The following EVL variants were observed in gnomAD, a reference collection of about 807,000 sequenced individuals.
EVL encodes ena/VASP-like protein.
EVL carries 21 observed loss-of-function variants against 59.6 expected under a neutral mutation model. The ratio of observed to expected loss-of-function variants is 0.35; its 90% CI spans 0.25 to 0.51. The LOEUF is 0.51. EVL is among the 20% of genes least tolerant of loss of function. The probability of loss-of-function intolerance (pLI) is 0.97; values close to 1 mark genes in which losing one functional copy is unlikely to be tolerated. For synonymous variants in EVL, 198 were observed against 203.5 expected (o/e 0.97, Z 0.23); for missense variants, 462 against 546.6 (o/e 0.85, Z 1.54).
At chr14:100,119,376 C>G (rs1460523720) in intron 3 of EVL, among the ~76,000 whole-genome samples, 2 of 152,210 alleles carry the variant, frequency 1.3e-5, no homozygotes, top group African/African-American at 4.8e-5. Flanking sequence ...CCAGACTCAA[C>G]AAGCTTGGGA....
chr14:100,119,254 C>T (rs1887543827), intron 3 of EVL, among the ~76,000 whole-genome samples: 1 of 152,188 alleles, frequency 6.6e-6, no homozygotes, highest in Non-Finnish European at 1.5e-5. Context: ...ATCTCATCCT[C>T]TTTATTTTGA....
chr14:100,064,563 A>C (rs578051055), upstream of EVL, among the ~76,000 whole-genome samples: 1 of 152,242 alleles, frequency 6.6e-6, no homozygotes, highest in Non-Finnish European at 1.5e-5. Context: ...TCATCATTAG[A>C]GAGAGTTGTC....
chr14:100,143,744 C>A lies in EVL; in HGVS notation c.*6C>A. 2 of 1,612,170 alleles carry A rather than the reference C, an allele frequency of 1.2e-6. No homozygotes were observed. The highest frequency in any genetic ancestry group is 1.7e-6 in the Non-Finnish European group (2 of 1,179,740). On this transcript the variant is annotated 3_prime_UTR_variant, in exon 14 of 14. Transcript: ENST00000392920. Reference sequence around the variant, plus strand: ...GTGGGATCAGCACCACGTAAGGGGCCGGCCTCGCTGCGCTGATTCGTCGAG... The same window carrying A: ...GTGGGATCAGCACCACGTAAGGGGCAGGCCTCGCTGCGCTGATTCGTCGAG...
rs192279111 is a variant in EVL at position 99,993,794 on chromosome 14, C to T, written c.5+21737C>T. Reference sequence around the variant, plus strand: ...TGCAGCCTCTGCTTCTGGGTTCAAGCGATTCTTCTGCCTCAGCCTCCCAAG... The same window carrying T: ...TGCAGCCTCTGCTTCTGGGTTCAAGTGATTCTTCTGCCTCAGCCTCCCAAG... On this transcript the variant is annotated intron_variant, in intron 1 of 13. Coordinates refer to the EVL transcript ENST00000402714. Among the ~76,000 whole-genome samples, 354 of 146,324 alleles carry T rather than the reference C, an allele frequency of 2.4e-3. 4 individuals are homozygous for T. The highest frequency in any genetic ancestry group is 0.023 in the Admixed American group (327 of 14,356).
At chr14:99,982,051 A>G (rs1397888556) in intron 1 of EVL, among the ~76,000 whole-genome samples, 1 of 152,188 alleles carries the variant, frequency 6.6e-6, no homozygotes, top group African/African-American at 2.4e-5. Context: ...TCCCTTCATG[A>G]AACAGTTAAG....
intron 1 of EVL, among the ~76,000 whole-genome samples, chr14:99,978,357 G>A (rs1351294590): frequency 1.4e-5 from 2 of 147,202 alleles, no homozygotes; most frequent in South Asian, 2.2e-4. Context: ...AGCCGAGATC[G>A]CGCCACTGCA....
intron 6 of EVL, 87 bp from the exon 7 acceptor site, chr14:100,129,476 C>G: frequency 1.3e-6 from 2 of 1,579,434 alleles, no homozygotes; most frequent in Non-Finnish European, 1.7e-6. Flanking sequence ...TTCACACGCA[C>G]ACAGTCCCCT....
intron 1 of EVL, among the ~76,000 whole-genome samples, chr14:99,991,883 T>C (rs1365744690): frequency 6.6e-6 from 1 of 151,786 alleles, no homozygotes; most frequent in African/African-American, 2.4e-5. Flanking sequence ...GGATTCAAAG[T>C]TATACATAAA....
chr14:100,023,547 G>A (rs1169515369), intron 1 of EVL, among the ~76,000 whole-genome samples: 1 of 151,292 alleles, frequency 6.6e-6, no homozygotes, highest in Non-Finnish European at 1.5e-5. Flanking sequence ...GGCTGGTCTC[G>A]AACTCCTGAC....
intron 1 of EVL, among the ~76,000 whole-genome samples, chr14:100,068,096 C>T (rs2061971742): frequency 6.6e-6 from 1 of 152,044 alleles, no homozygotes; most frequent in Non-Finnish European, 1.5e-5. Flanking sequence ...AGTCAAGAAA[C>T]CATCAACAAG....
chr14:100,072,048 C>G (rs2062058751), intron 1 of EVL, among the ~76,000 whole-genome samples: 1 of 152,156 alleles, frequency 6.6e-6, no homozygotes, highest in African/African-American at 2.4e-5. Flanking sequence ...AACCTACAGT[C>G]TACATTCAGT....
intron 1 of EVL, among the ~76,000 whole-genome samples, chr14:100,043,256 T>A (rs555949731): frequency 6.6e-6 from 1 of 150,568 alleles, no homozygotes; most frequent in Non-Finnish European, 1.5e-5. Context: ...TATATATATA[T>A]GTGTGTGTGT....
chr14:100,101,512 G>A (rs1036144077), intron 3 of EVL, among the ~76,000 whole-genome samples: 2 of 151,970 alleles, frequency 1.3e-5, no homozygotes, highest in Non-Finnish European at 2.9e-5. Flanking sequence ...GTGTGGTGAC[G>A]CATGCCTATA....
rs1338665410 is a variant in EVL at position 100,108,424 on chromosome 14, G to T, written c.358+10766G>T. ...CCTTGTGCCACCTGAGAGAAAGCAG[G>T]CCCAGCATGGCCCTGCCTGAGGGGA... is the stretch of plus-strand genomic sequence containing the variant. On this transcript the variant is annotated intron_variant, in intron 3 of 13. Coordinates refer to ENST00000392920, the MANE Select transcript of EVL (RefSeq NM_016337.3). The surrounding 1 kb of genome is among the most constrained non-coding windows in gnomAD (Gnocchi z 4.1). Among the ~76,000 whole-genome samples the T allele has an allele frequency of 6.6e-6, 1 of 152,156 alleles. No homozygotes were observed. Among genetic ancestry groups the T allele is most frequent in the Non-Finnish European group, 1.5e-5 (1 of 68,036 alleles).
At chr14:100,044,639 G>A (rs2061520991) in intron 1 of EVL, among the ~76,000 whole-genome samples, 1 of 152,188 alleles carries the variant, frequency 6.6e-6, no homozygotes, top group Non-Finnish European at 1.5e-5. Flanking sequence ...AGGCAGACCT[G>A]GGGTATGTGT....
intron 1 of EVL, among the ~76,000 whole-genome samples, chr14:100,083,282 C>G (rs574495907): frequency 2.0e-5 from 3 of 152,166 alleles, no homozygotes; most frequent in Non-Finnish European, 4.4e-5. Flanking sequence ...TGCCAGAATT[C>G]AGCCCATCAC....
At chr14:100,110,650 C>T (rs1886911529) in intron 3 of EVL, among the ~76,000 whole-genome samples, 1 of 152,172 alleles carries the variant, frequency 6.6e-6, no homozygotes, top group Non-Finnish European at 1.5e-5. Flanking sequence ...TCTCCCTCGG[C>T]ACATTGGTAG....
At chr14:100,027,969 C>A (rs771103528) in intron 1 of EVL, among the ~76,000 whole-genome samples, 6 of 152,178 alleles carry the variant, frequency 3.9e-5, no homozygotes, top group Admixed American at 6.5e-5. Flanking sequence ...GCCACCGCAC[C>A]CAGACTCAAT....
intron 3 of EVL, among the ~76,000 whole-genome samples, chr14:100,112,406 A>G (rs1215259738): frequency 1.3e-5 from 2 of 152,168 alleles, no homozygotes; most frequent in East Asian, 1.9e-4. Flanking sequence ...AGCAGACTGC[A>G]TTTCACCTCT....
Sources: allele counts gnomAD v4.1 joint callset (sites outside exome capture counted in the v4.1 genomes callset), GRCh38; gene constraint gnomAD v4.1.1; non-coding constraint Gnocchi (gnomAD v3.1); transcripts MANE v1.5; gene names NCBI Gene and HGNC (gene_info 2026-07-23, HGNC 2026-07-21).